The following ROBO2 variants were observed in gnomAD, a reference collection of about 807,000 sequenced individuals.
ROBO2 encodes the protein roundabout guidance receptor 2.
In ROBO2, 53 loss-of-function variants were observed where a neutral mutation model predicts 160.8. The ratio of observed to expected loss-of-function variants is 0.33; its 90% confidence interval spans 0.26 to 0.41. The LOEUF (loss-of-function observed/expected upper bound fraction) is 0.41. Ranked by LOEUF, ROBO2 falls within the 10% of genes least tolerant of loss-of-function variation. The pLI is 1.00. For missense variants in ROBO2, 1,577 were observed against 1,722.4 expected (o/e 0.92, Z 1.49); for synonymous variants, 664 against 611.7 (o/e 1.09, Z -1.26).
intron 2 of ROBO2, among the ~76,000 whole-genome samples, chr3:76,453,510 G>T (rs2077584696): frequency 6.6e-6 from 1 of 152,048 alleles, no homozygotes; most frequent in Admixed American, 6.6e-5. Flanking sequence ...TATTTCTGAG[G>T]GCTCTGTTCT....
At chr3:76,906,809 T>A (rs1406092337) in intron 2 of ROBO2, among the ~76,000 whole-genome samples, 2 of 152,146 alleles carry the variant, frequency 1.3e-5, no homozygotes, top group Admixed American at 1.3e-4. Context: ...TGTTATAGAT[T>A]TTAGTTTATC....
At chr3:76,469,465 G>T (rs1454923363) in intron 2 of ROBO2, among the ~76,000 whole-genome samples, 2 of 152,036 alleles carry the variant, frequency 1.3e-5, no homozygotes, top group East Asian at 1.9e-4. Flanking sequence ...CATCCTATTA[G>T]AATAAATACA....
intron 2 of ROBO2, among the ~76,000 whole-genome samples, chr3:77,310,894 A>G (rs889394873): frequency 6.6e-6 from 1 of 152,014 alleles, no homozygotes; most frequent in Non-Finnish European, 1.5e-5. Context: ...ATAATGGATT[A>G]GGTCTAATAC....
chr3:77,363,971 T>C (rs1277854602), intron 2 of ROBO2, among the ~76,000 whole-genome samples: 1 of 152,120 alleles, frequency 6.6e-6, no homozygotes, highest in African/African-American at 2.4e-5. Context: ...TCAAAGTCCT[T>C]GGGATGCCAA....
intron 2 of ROBO2, among the ~76,000 whole-genome samples, chr3:77,419,019 G>A (rs1187667280): frequency 6.6e-6 from 1 of 152,120 alleles, no homozygotes; most frequent in Admixed American, 6.6e-5. Context: ...GAGGCCAGAA[G>A]TCAGAAATCA....
chr3:76,971,300 G>T (rs1487544631), intron 2 of ROBO2, among the ~76,000 whole-genome samples: 1 of 152,074 alleles, frequency 6.6e-6, no homozygotes, highest in Non-Finnish European at 1.5e-5. Context: ...ACAGAGAGAT[G>T]ATTGTAACAG....
intron 2 of ROBO2, among the ~76,000 whole-genome samples, chr3:77,189,990 C>T (rs1344884294): frequency 6.6e-6 from 1 of 151,918 alleles, no homozygotes; most frequent in Admixed American, 6.6e-5. Context: ...GCTTAGGTTA[C>T]TGGTGTTAGC....
chr3:77,392,824 G>A (rs2074877383), intron 2 of ROBO2, among the ~76,000 whole-genome samples: 1 of 152,084 alleles, frequency 6.6e-6, no homozygotes, highest in African/African-American at 2.4e-5. Flanking sequence ...TTTTTCTTCT[G>A]AATTTGCAGA....
intron 2 of ROBO2, among the ~76,000 whole-genome samples, chr3:76,141,062 T>C (rs374716323): frequency 4.9e-4 from 53 of 107,082 alleles, no homozygotes; most frequent in African/African-American, 1.8e-3. Flanking sequence ...TTTACATACA[T>C]ATATATATAT....
chr3:77,052,419 G>A (rs1169819644), intron 1 of ROBO2, among the ~76,000 whole-genome samples: 2 of 152,120 alleles, frequency 1.3e-5, no homozygotes, highest in African/African-American at 4.8e-5. Flanking sequence ...TAGTGAGAAT[G>A]CCCTACTCAG....
At position 76,571,202 on chromosome 3, in the gene ROBO2, C is replaced by A. The variant is rs371346704; in HGVS notation, c.110-526812C>A. On this transcript the variant is annotated intron_variant, in intron 2 of 26. Transcript: ENST00000487694. ...AAATACTAATACAGCATTCAATTAA[C>A]AAAAGAAAACATTCTCAAAGCCAGA... 2.8e-4 allele frequency among the ~76,000 whole-genome samples: 42 copies of A among 152,118 alleles called. 2 individuals are homozygous for A. The highest frequency in any genetic ancestry group is 2.7e-3 in the South Asian group (13 of 4,824).
At chr3:76,192,401 A>G (rs768337222) in intron 2 of ROBO2, among the ~76,000 whole-genome samples, 46 of 152,008 alleles carry the variant, frequency 3.0e-4, no homozygotes, top group Non-Finnish European at 6.5e-4. Context: ...TTGGTATAAA[A>G]ATAAATAAAT....
At chr3:77,512,151 T>G (rs908353092) in intron 5 of ROBO2, among the ~76,000 whole-genome samples, 2 of 151,990 alleles carry the variant, frequency 1.3e-5, no homozygotes, top group Non-Finnish European at 2.9e-5. Context: ...GTCTTAGACC[T>G]CAAAGGTGAT....
chr3:77,213,388 G>A (rs1431006454), intron 2 of ROBO2, among the ~76,000 whole-genome samples: 1 of 152,164 alleles, frequency 6.6e-6, no homozygotes, highest in Non-Finnish European at 1.5e-5. Flanking sequence ...AGTATTCTCT[G>A]ATGGTAGTTT....
At chr3:76,137,829 T>TTA (rs950672545) in intron 2 of ROBO2, among the ~76,000 whole-genome samples, 5 of 151,882 alleles carry the variant, frequency 3.3e-5, no homozygotes, top group South Asian at 4.2e-4. Flanking sequence ...TTCTTCTGTT[T>TTA]TATATATATA....
At chr3:77,035,422 G>A (rs548441945), upstream of ROBO2, among the ~76,000 whole-genome samples, 5 of 151,836 alleles carry the variant, frequency 3.3e-5, no homozygotes, top group Admixed American at 2.0e-4. Flanking sequence ...CGAACTCTTC[G>A]ATCAAGATAA....
intron 2 of ROBO2, among the ~76,000 whole-genome samples, chr3:77,009,826 A>G (rs1200179431): frequency 1.3e-5 from 2 of 151,686 alleles, no homozygotes; most frequent in Non-Finnish European, 2.9e-5. Flanking sequence ...GGTTCCTGTC[A>G]TCTCAGATAC....
chr3:77,425,960 G>T (rs576693997), intron 2 of ROBO2, among the ~76,000 whole-genome samples: 1 of 152,044 alleles, frequency 6.6e-6, no homozygotes, highest in East Asian at 1.9e-4. Flanking sequence ...ACAGCGCCCA[G>T]CCCCTTAATA....
intron 2 of ROBO2, among the ~76,000 whole-genome samples, chr3:76,526,619 A>G (rs900266882): frequency 6.6e-6 from 1 of 151,976 alleles, no homozygotes; most frequent in Admixed American, 6.6e-5. Flanking sequence ...TTATATATTC[A>G]GTTTGGTTCT....
Sources: allele counts gnomAD v4.1 joint callset (sites outside exome capture counted in the v4.1 genomes callset), GRCh38; gene constraint gnomAD v4.1.1; transcripts MANE v1.5; gene names NCBI Gene and HGNC (gene_info 2026-07-23, HGNC 2026-07-21).